The following JDP2 variants were observed in gnomAD, a reference collection of about 807,000 sequenced individuals.
JDP2 encodes progesterone receptor co-activator.
JDP2 carries 9 observed loss-of-function variants against 17.1 expected under a neutral mutation model. The observed-to-expected ratio is 0.53, with a 90% CI of 0.32 to 0.92. The LOEUF (loss-of-function observed/expected upper bound fraction) is 0.92, where lower values mean the gene tolerates loss of function less well. Among genes scored for constraint, JDP2 ranks in the 40% least tolerant of loss-of-function variants. The pLI, the probability that JDP2 is intolerant of heterozygous loss-of-function variation, is 0.04. For synonymous variants in JDP2, 107 were observed against 95.6 expected (o/e 1.12, Z -0.69); for missense variants, 179 against 220.0 (o/e 0.81, Z 1.18).
intron 2 of JDP2, among the ~76,000 whole-genome samples, chr14:75,442,808 T>C (rs1280421171): frequency 1.3e-5 from 2 of 152,158 alleles, no homozygotes; most frequent in Admixed American, 1.3e-4. Context: ...GCTAGTAGGC[T>C]CAGAGATGAC....
chr14:75,445,469 T>C, intron 2 of JDP2: 1 of 985,390 alleles, frequency 1.0e-6, no homozygotes, highest in Non-Finnish European at 1.2e-6. Context: ...TAGTCCTCCC[T>C]ACACCCTACC....
chr14:75,459,594 G>A (rs10141767), intron 2 of JDP2, among the ~76,000 whole-genome samples: 43,377 of 152,218 alleles, frequency 0.28, 7,237 homozygotes, highest in East Asian at 0.42. Context: ...TGCAGAGAGA[G>A]GCTGTTTATT....
intron 2 of JDP2, 117 bp downstream of exon 2, chr14:75,438,238 G>A: frequency 1.3e-6 from 1 of 758,854 alleles, no homozygotes; most frequent in Non-Finnish European, 2.1e-6. Flanking sequence ...ACCACCCTGG[G>A]GTTATCAGAA....
Position 75,473,180 on chromosome 14 carries a change from A to G in JDP2, c.*3705A>G, listed in dbSNP as rs1396265172. 1 of 152,210 alleles carries G rather than the reference A, an allele frequency of 6.6e-6. No individual in the cohort carries two copies. The highest frequency in any genetic ancestry group is 2.4e-5 in the African/African-American group (1 of 41,444). 9.4% of individuals were successfully genotyped at this position (152,210 alleles called of 1,614,324 possible). ...CGGTGAAACCCTGTCTCTACTAATA[A>G]TACAAAAAATTAGCCGGGCATGGTG... On this transcript the variant is annotated 3_prime_UTR_variant, in exon 4 of 4. Coordinates refer to ENST00000651602, the MANE Select transcript of JDP2 (RefSeq NM_001135048.2).
At chr14:75,429,468 T>A (rs893581494) in intron 1 of JDP2, among the ~76,000 whole-genome samples, 4 of 152,110 alleles carry the variant, frequency 2.6e-5, no homozygotes, top group African/African-American at 9.7e-5. Context: ...TTGGGTACAT[T>A]TGTACCCAAA....
intron 2 of JDP2, among the ~76,000 whole-genome samples, chr14:75,454,156 G>A (rs1313177632): frequency 3.3e-5 from 4 of 121,484 alleles, no homozygotes; most frequent in Non-Finnish European, 7.0e-5. Flanking sequence ...GGTTAGGCCC[G>A]AGAGGAGCTG....
intron 2 of JDP2, among the ~76,000 whole-genome samples, chr14:75,456,337 A>G (rs887119362): frequency 1.3e-5 from 2 of 151,392 alleles, no homozygotes; most frequent in Admixed American, 6.6e-5. Flanking sequence ...CCCCTTCTTC[A>G]TCTCCGTGTT....
At chr14:75,443,457 G>A (rs905254634) in intron 2 of JDP2, among the ~76,000 whole-genome samples, 4 of 152,080 alleles carry the variant, frequency 2.6e-5, no homozygotes, top group Non-Finnish European at 5.9e-5. Flanking sequence ...TGGCAGAGAG[G>A]TCCAATCTGT....
In JDP2 at chr14:75,437,172, C is replaced by CAA. The variant is rs11302124; in HGVS notation, c.-23-707_-23-706dup. Among the ~76,000 whole-genome samples, 751 of 97,990 alleles carry CAA rather than the reference C, an allele frequency of 7.7e-3. 19 individuals are homozygous for CAA. Among genetic ancestry groups the CAA allele is most frequent in the African/African-American group, 0.027 (698 of 26,154 alleles). The allele number at this position is 97,990 out of a possible 152,430, so 64.3% of individuals were successfully genotyped here. A position where few individuals can be genotyped will look rare whatever the true frequency, so the allele number is the denominator to read the frequency against. On this transcript the variant is annotated intron_variant, in intron 1 of 3. Transcript: ENST00000651602. ...TCGTGCCACTGCACTCCAGCCTGGG[C>CAA]AAAAAAAAAAAAAAAAAAAAGCATG...
chr14:75,450,183 C>T (rs1885785325), intron 2 of JDP2, among the ~76,000 whole-genome samples: 1 of 152,206 alleles, frequency 6.6e-6, no homozygotes, highest in South Asian at 2.1e-4. Flanking sequence ...CACCTGTGGG[C>T]TCTGATGCCC....
At chr14:75,433,195 CAAAAAAA>C (rs780191475) in intron 1 of JDP2, among the ~76,000 whole-genome samples, 5 of 19,394 alleles carry the variant, frequency 2.6e-4, no homozygotes, top group Non-Finnish European at 3.8e-4. Flanking sequence ...AACTCCGTCT[CAAAAAAA>C]AAAAAAAAAA....
At chr14:75,442,656 A>G (rs1167430180) in intron 2 of JDP2, among the ~76,000 whole-genome samples, 1 of 152,258 alleles carries the variant, frequency 6.6e-6, no homozygotes, top group Non-Finnish European at 1.5e-5. Context: ...ACAAAATACA[A>G]CAAAAATCAA....
rs1331465903 is a variant in JDP2 at position 75,473,085 on chromosome 14, T to C, written c.*3610T>C. 6.6e-6 allele frequency: 1 copy of C among 152,134 alleles called. No homozygotes were observed. Among genetic ancestry groups the C allele is most frequent in the Non-Finnish European group, 1.5e-5 (1 of 68,012 alleles). 9.4% of individuals were successfully genotyped at this position (152,134 alleles called of 1,614,324 possible). On this transcript the variant is annotated 3_prime_UTR_variant, in exon 4 of 4. Transcript: ENST00000651602. The stretch of plus-strand genomic sequence containing the variant: ...AAACAAGTATGTGTTGGTAAGAATA[T>C]GGATTAAAGGTTGGGAGGCCAAGAT...
intron 2 of JDP2, among the ~76,000 whole-genome samples, chr14:75,447,546 G>C (rs1236874663): frequency 6.6e-6 from 1 of 152,130 alleles, no homozygotes; most frequent in Non-Finnish European, 1.5e-5. Context: ...CTGGTGCCAG[G>C]TTAATCTATT....
At chr14:75,463,478 G>A (rs543154686) in intron 3 of JDP2, among the ~76,000 whole-genome samples, 263 of 152,250 alleles carry the variant, frequency 1.7e-3, no homozygotes, top group African/African-American at 6.2e-3. Flanking sequence ...ATGGGAGGCA[G>A]GAAACAAGGA....
intron 3 of JDP2, among the ~76,000 whole-genome samples, chr14:75,467,965 C>T (rs529362190): frequency 1.3e-5 from 2 of 152,122 alleles, no homozygotes; most frequent in Non-Finnish European, 2.9e-5. Context: ...CAGAGATGAG[C>T]CAAGGAACAG....
At position 75,437,861 on chromosome 14, in the gene JDP2, C is replaced by G. The variant is rs141634637; in HGVS notation, c.-23-37C>G. ...CTTGAGCCCTCCTGGAGCCCCCAAC[C>G]TGGCTGACTGTCCTGCTCTTTTCCT... On this transcript the variant is annotated intron_variant, in intron 1 of 3. Coordinates refer to ENST00000651602, the MANE Select transcript of JDP2 (RefSeq NM_001135048.2). 3.5e-3 allele frequency: 5,148 copies of G among 1,468,544 alleles called. 53 individuals carry two copies. The highest frequency in any genetic ancestry group is 0.022 in the South Asian group (1,744 of 77,832). The allele number at this position is 1,468,544 out of a possible 1,614,324, so 91.0% of individuals were successfully genotyped here.
chr14:75,437,874 C>T (rs1170249835), intron 1 of JDP2, 24 bp from the exon 2 acceptor site: 2 of 1,532,150 alleles, frequency 1.3e-6, no homozygotes, highest in East Asian at 2.3e-5. Flanking sequence ...GCTGACTGTC[C>T]TGCTCTTTTC....
chr14:75,446,383 C>T (rs1885601538), intron 2 of JDP2, among the ~76,000 whole-genome samples: 1 of 152,162 alleles, frequency 6.6e-6, no homozygotes, highest in African/African-American at 2.4e-5. Context: ...TTCATAATAG[C>T]TCCAAAGTGG....
Sources: gnomAD v4.1 joint callset for allele counts (sites outside exome capture counted in the v4.1 genomes callset) on GRCh38, gnomAD v4.1.1 for gene constraint, MANE v1.5 for transcripts, NCBI Gene and HGNC (gene_info 2026-07-23, HGNC 2026-07-21) for gene names.